Variants in ITGAE observed in about 807,000 individuals in gnomAD.
ITGAE encodes integrin alpha-E.
A neutral mutation model predicts 136.5 loss-of-function variants in ITGAE; 99 were observed. The ratio of observed to expected loss-of-function variants is 0.73; its 90% CI spans 0.62 to 0.86. ITGAE has a LOEUF of 0.86. Ranked by LOEUF, ITGAE falls within the 40% of genes least tolerant of loss-of-function variation. The pLI, the probability that ITGAE is intolerant of heterozygous loss-of-function variation, is 0.00. For synonymous variants in ITGAE, 613 were observed against 591.8 expected (o/e 1.04, Z -0.52); for missense variants, 1,447 against 1,515.3 (o/e 0.95, Z 0.75).
chr17:3,777,966 A>C (rs2052583264), intron 1 of ITGAE, among the ~76,000 whole-genome samples: 1 of 152,132 alleles, frequency 6.6e-6, no homozygotes, highest in Non-Finnish European at 1.5e-5. Context: ...CCTGACACAC[A>C]GCGTGTACTC....
chr17:3,757,404 T>C (rs2143044971), intron 9 of ITGAE, among the ~76,000 whole-genome samples: 1 of 152,280 alleles, frequency 6.6e-6, no homozygotes, highest in African/African-American at 2.4e-5. Flanking sequence ...CTGCCTCCCC[T>C]GTGCCCTAGG....
chr17:3,780,680 G>A (rs924112394), intron 1 of ITGAE, among the ~76,000 whole-genome samples: 2 of 151,954 alleles, frequency 1.3e-5, no homozygotes, highest in Non-Finnish European at 2.9e-5. Flanking sequence ...TGATCCGCCC[G>A]CCTCAGCCTC....
chr17:3,789,593 C>CG (rs1157392027), intron 1 of ITGAE, among the ~76,000 whole-genome samples: 1 of 151,860 alleles, frequency 6.6e-6, no homozygotes, highest in African/African-American at 2.4e-5. Flanking sequence ...CTCTGCCTCC[C>CG]AGGTTCAAGC....
At chr17:3,755,995 C>G in intron 10 of ITGAE, 98 bp from the exon 11 acceptor site, 2 of 1,179,900 alleles carry the variant, frequency 1.7e-6, no homozygotes, top group Non-Finnish European at 2.5e-6. Context: ...CCAGAAGGAA[C>G]CATGCTTGGT....
chr17:3,753,872 C>A lies in ITGAE; in HGVS notation c.1438G>T (p.Ala480Ser), dbSNP rs772910753. 1.2e-6 allele frequency: 2 copies of A among 1,613,246 alleles called. No homozygotes were observed. Among genetic ancestry groups the A allele is most frequent in the Non-Finnish European group, 1.7e-6 (2 of 1,179,344 alleles). The change falls in exon 13 of 31, where the codon GCT becomes TCT. Residue 480 changes from alanine (A) to serine (S), a missense_variant. By Grantham distance (99) the Ala-to-Ser change is moderately conservative. Transcript: ENST00000263087. The stretch of plus-strand genomic sequence containing the variant: ...GCCCCATGATGTTTGTACCGTGGAG[C>A]CCCCGCGATGTAGGAGAGGCTGCAG... ...KTCSLSYIAG[A>S]PRYKHHGAVF...
intron 28 of ITGAE, among the ~76,000 whole-genome samples, chr17:3,721,082 C>T (rs951704436): frequency 2.0e-5 from 3 of 151,728 alleles, no homozygotes; most frequent in African/African-American, 7.3e-5. Flanking sequence ...GTGCACCCCA[C>T]CACACTGGGC....
intron 1 of ITGAE, among the ~76,000 whole-genome samples, chr17:3,796,170 C>CGTGTGTGTGTGTGTGTGTGTGT (rs71381510): frequency 0.05 from 6,324 of 126,666 alleles, 373 homozygotes; most frequent in Middle Eastern, 0.092. Flanking sequence ...TGTGTGCATC[C>CGTGTGTGTGTGTGTGTGTGTGT]GTGTGTGTGT....
At chr17:3,732,323 A>T (rs1350593491) in intron 22 of ITGAE, 45 bp downstream of exon 22, 1 of 1,412,002 alleles carries the variant, frequency 7.1e-7, no homozygotes, top group Non-Finnish European at 1.0e-6. Flanking sequence ...AGAAGACGCC[A>T]ACTGCAGGGT....
At chr17:3,781,726 G>T (rs1185022450) in intron 1 of ITGAE, among the ~76,000 whole-genome samples, 1 of 152,252 alleles carries the variant, frequency 6.6e-6, no homozygotes, top group East Asian at 1.9e-4. Flanking sequence ...GTGAAATAGG[G>T]ATACAACTTT....
At chr17:3,757,458 G>T (rs1330710951) in intron 9 of ITGAE, among the ~76,000 whole-genome samples, 1 of 152,108 alleles carries the variant, frequency 6.6e-6, no homozygotes, top group Non-Finnish European at 1.5e-5. Flanking sequence ...TTGGCACCGC[G>T]GTCCTCCAGG....
rs767225927 is a variant in ITGAE at position 3,726,311 on chromosome 17, C to G, written c.3084+1608G>C. Reference sequence around the variant, plus strand: ...TCAGCTCTGCCACTGACTTGCTCTGCCAGCACAGTCTGTTTAAGTAAGCTA... The same window carrying G: ...TCAGCTCTGCCACTGACTTGCTCTGGCAGCACAGTCTGTTTAAGTAAGCTA... On this transcript the variant is annotated intron_variant, in intron 26 of 30. Transcript: ENST00000263087. 5 of 1,611,920 alleles carry G rather than the reference C, an allele frequency of 3.1e-6. No individual in the cohort carries two copies. The South Asian group carries it at 5.5e-5, about 18-fold the overall frequency.
chr17:3,781,161 A>T (rs776689944), intron 1 of ITGAE, among the ~76,000 whole-genome samples: 8 of 152,206 alleles, frequency 5.3e-5, no homozygotes, highest in Non-Finnish European at 1.2e-4. Context: ...AATGTGTTAT[A>T]GATGCCGCTT....
intron 9 of ITGAE, 92 bp from the exon 10 acceptor site, chr17:3,757,226 C>G: frequency 1.4e-6 from 2 of 1,397,006 alleles, no homozygotes; most frequent in Non-Finnish European, 2.0e-6. Flanking sequence ...CCTCTGGGGC[C>G]CTCCATTACC....
chr17:3,787,909 G>A (rs561567840), intron 1 of ITGAE, among the ~76,000 whole-genome samples: 5 of 152,060 alleles, frequency 3.3e-5, no homozygotes, highest in South Asian at 4.1e-4. Flanking sequence ...GGCTGCTCTC[G>A]AACTCCTGAC....
intron 12 of ITGAE, chr17:3,754,495 A>T (rs1482956877): frequency 1.3e-5 from 2 of 153,066 alleles, no homozygotes; most frequent in East Asian, 1.9e-4. Flanking sequence ...TGGTCTCCAG[A>T]CCTCAGATGA....
At chr17:3,726,400 C>A in intron 26 of ITGAE, 1 of 1,108,006 alleles carries the variant, frequency 9.0e-7, no homozygotes, top group Non-Finnish European at 1.3e-6. Flanking sequence ...CTGTTTCAAC[C>A]TCCATCCCCA....
At chr17:3,800,874 G>A (rs372844826) in intron 1 of ITGAE, among the ~76,000 whole-genome samples, 7 of 152,206 alleles carry the variant, frequency 4.6e-5, no homozygotes, top group East Asian at 1.9e-4. Context: ...GCAGAGCCCT[G>A]GAGTCCAAAG....
Position 3,760,372 on chromosome 17 carries a change from C to A in ITGAE, c.599-85G>T, listed in dbSNP as rs1597342301. On this transcript the variant is annotated intron_variant, in intron 6 of 30. Coordinates refer to ENST00000263087, the MANE Select transcript of ITGAE (RefSeq NM_002208.5). The stretch of plus-strand genomic sequence containing the variant: ...ATGTGTAGGGCATGCACCCCCACTG[C>A]AGCCCTGACAACCAGCTCAGTTCAG... 7.7e-6 allele frequency: 5 copies of A among 651,844 alleles called. No homozygotes were observed. The South Asian group carries it at 9.7e-5, about 13-fold the overall frequency. The allele number at this position is 651,844 out of a possible 1,614,324, so 40.4% of individuals were successfully genotyped here. A position where few individuals can be genotyped will look rare whatever the true frequency, so the allele number is the denominator to read the frequency against.
rs769121595 is a variant in ITGAE at position 3,724,984 on chromosome 17, T to C, written c.3085-1240A>G. On this transcript the variant is annotated intron_variant, in intron 26 of 30. Coordinates refer to ENST00000263087, the MANE Select transcript of ITGAE (RefSeq NM_002208.5). ...CATCAGGAGGCAACGGAAACCTCTC[T>C]CCTCCATTCCCACCGCTTTAAAAAG... 1 of 1,614,058 alleles carries C rather than the reference T, an allele frequency of 6.2e-7. No individual in the cohort carries two copies. The highest frequency in any genetic ancestry group is 8.5e-7 in the Non-Finnish European group (1 of 1,180,016).
Sources: allele counts gnomAD v4.1 joint callset (sites outside exome capture counted in the v4.1 genomes callset), GRCh38; gene constraint gnomAD v4.1.1; transcripts MANE v1.5; gene names NCBI Gene and HGNC (gene_info 2026-07-23, HGNC 2026-07-21).